The following SEMA5A variants were observed in gnomAD, a reference collection of about 807,000 sequenced individuals.
The protein encoded by SEMA5A is semaphorin 5A.
Under a neutral mutation model 135.5 loss-of-function variants are expected in SEMA5A, and 55 were observed. The ratio of observed to expected loss-of-function variants is 0.41; its 90% CI spans 0.33 to 0.51. The LOEUF is 0.51. Among genes scored for constraint, SEMA5A ranks in the 20% least tolerant of loss-of-function variants. The probability of loss-of-function intolerance (pLI) is 0.37; values close to 1 mark genes in which losing one functional copy is unlikely to be tolerated. For missense variants in SEMA5A, 1,290 were observed against 1,419.9 expected (o/e 0.91, Z 1.47); for synonymous variants, 580 against 546.5 (o/e 1.06, Z -0.85).
chr5:9,300,538 A>G (rs1033951530), intron 5 of SEMA5A, among the ~76,000 whole-genome samples: 2 of 152,200 alleles, frequency 1.3e-5, no homozygotes, highest in Non-Finnish European at 2.9e-5. Context: ...CCAAACAAAG[A>G]GGCATAAACC....
intron 5 of SEMA5A, among the ~76,000 whole-genome samples, chr5:9,312,003 A>T (rs1752159113): frequency 6.6e-6 from 1 of 152,150 alleles, no homozygotes; most frequent in African/African-American, 2.4e-5. Flanking sequence ...GCTATTTCCC[A>T]AAAGAATTTT....
At chr5:9,393,539 T>G (rs964496674) in intron 2 of SEMA5A, among the ~76,000 whole-genome samples, 3 of 152,258 alleles carry the variant, frequency 2.0e-5, no homozygotes, top group Admixed American at 2.0e-4. Flanking sequence ...CCATGCCCTG[T>G]AATATGGAGA....
At chr5:9,508,018 G>GAAA (rs1395226100) in intron 1 of SEMA5A, among the ~76,000 whole-genome samples, 20 of 21,580 alleles carry the variant, frequency 9.3e-4, no homozygotes, top group South Asian at 5.1e-3. Context: ...AAAAAAAAAA[G>GAAA]AAAAGAAAAA....
chr5:9,349,347 C>T (rs1405673133), intron 3 of SEMA5A, among the ~76,000 whole-genome samples: 1 of 152,094 alleles, frequency 6.6e-6, no homozygotes, highest in Admixed American at 6.5e-5. Context: ...TTATTGAGTA[C>T]CTGCTACATA....
intron 11 of SEMA5A, among the ~76,000 whole-genome samples, chr5:9,166,812 A>G (rs115456985): frequency 0.016 from 2,375 of 152,342 alleles, 69 homozygotes; most frequent in African/African-American, 0.054. Flanking sequence ...TCTAACCCAC[A>G]GCTTAAATAT....
chr5:9,318,323 GT>G, intron 5 of SEMA5A, 48 bp downstream of exon 5: 1 of 1,551,600 alleles, frequency 6.4e-7, no homozygotes, highest in African/African-American at 1.4e-5. Flanking sequence ...CAAACAGTGA[GT>G]TAATTGGGAT....
At chr5:9,404,066 CG>C (rs1296361665) in intron 2 of SEMA5A, among the ~76,000 whole-genome samples, 1 of 152,144 alleles carries the variant, frequency 6.6e-6, no homozygotes, top group East Asian at 1.9e-4. Context: ...TCCCCAGTAG[CG>C]GGGATTACAG....
rs533464037 is a variant in SEMA5A, at chr5:9,118,694, C to T, written c.1925+304G>A. 3.6e-4 allele frequency among the ~76,000 whole-genome samples: 55 copies of T among 152,236 alleles called. 1 individual carries two copies. Among genetic ancestry groups the T allele is most frequent in the African/African-American group, 1.1e-3 (44 of 41,542 alleles). ...CTCACAAGAGTAAGTCTCCTGCAGA[C>T]GTACTTCCAGAGTCTCCAGGAGCCT... On this transcript the variant is annotated intron_variant, in intron 15 of 22. Transcript: ENST00000382496.
chr5:9,092,828 T>C (rs796921799), intron 16 of SEMA5A, among the ~76,000 whole-genome samples: 28 of 152,218 alleles, frequency 1.8e-4, no homozygotes, highest in African/African-American at 6.5e-4. Flanking sequence ...TTTTCCCAAA[T>C]TGCCATTACC....
intron 13 of SEMA5A, among the ~76,000 whole-genome samples, chr5:9,132,887 A>G (rs1741512893): frequency 6.6e-6 from 1 of 152,226 alleles, no homozygotes; most frequent in Non-Finnish European, 1.5e-5. Context: ...TCAGCTTATA[A>G]AGCTTAATTT....
At chr5:9,202,901 G>A (rs1268356021) in intron 8 of SEMA5A, among the ~76,000 whole-genome samples, 1 of 152,158 alleles carries the variant, frequency 6.6e-6, no homozygotes, top group Non-Finnish European at 1.5e-5. Flanking sequence ...AAACCATTTA[G>A]AGGAGGGAAG....
chr5:9,346,106 C>T (rs1301039747), intron 3 of SEMA5A, among the ~76,000 whole-genome samples: 1 of 152,068 alleles, frequency 6.6e-6, no homozygotes, highest in African/African-American at 2.4e-5. Flanking sequence ...CCATCCTGTG[C>T]CTATAAAGAC....
chr5:9,203,429 A>T lies in SEMA5A; in HGVS notation c.647-1189T>A, dbSNP rs1745831315. ...ATAATAACATGTTACTGGCAGGACA[A>T]CTAAAAATATGTGTGGCTGCAAGAT... On this transcript the variant is annotated intron_variant, in intron 8 of 22. Transcript: ENST00000382496. 2.0e-5 allele frequency among the ~76,000 whole-genome samples: 3 copies of T among 152,194 alleles called. No homozygotes were observed. The South Asian group carries it at 6.2e-4, about 32-fold the overall frequency.
chr5:9,056,774 G>A (rs529831807), intron 18 of SEMA5A, among the ~76,000 whole-genome samples: 1 of 151,978 alleles, frequency 6.6e-6, no homozygotes, highest in South Asian at 2.1e-4. Context: ...CCCAATCCTG[G>A]GTATATATCA....
chr5:9,285,467 A>T lies in SEMA5A; in HGVS notation c.270+32905T>A, dbSNP rs532559106. 4.6e-5 allele frequency among the ~76,000 whole-genome samples: 7 copies of T among 152,222 alleles called. No individual in the cohort carries two copies. In the South Asian group the frequency reaches 1.2e-3, roughly 27 times the overall value. ...CCAAAGAAACATGGGATTGACAAGA[A>T]ACTCTTTAGTCTCTCAACATACTAA... On this transcript the variant is annotated intron_variant, in intron 5 of 22. Transcript: ENST00000382496.
intron 2 of SEMA5A, among the ~76,000 whole-genome samples, chr5:9,400,509 T>TAATA (rs1756610916): frequency 3.2e-5 from 2 of 62,226 alleles, no homozygotes; most frequent in African/African-American, 1.5e-4. Context: ...ACATTTTTTT[T>TAATA]TTTTTTTTTT....
intron 3 of SEMA5A, among the ~76,000 whole-genome samples, chr5:9,356,689 GT>G (rs1465414808): frequency 6.6e-6 from 1 of 152,136 alleles, no homozygotes; most frequent in Non-Finnish European, 1.5e-5. Flanking sequence ...TTCTTTCTTT[GT>G]TTGCAACCGG....
At position 9,190,454 on chromosome 5, in the gene SEMA5A, C is replaced by T. The variant is rs569756517; in HGVS notation, c.1086G>A (p.Gln362=). The change falls in exon 11 of 23, where the codon CAG becomes CAA. Residue 362 remains glutamine (Q), a synonymous_variant. Transcript: ENST00000382496. ...TCTCGGTCAGGTTCACGTACAGGCC[C>T]TGGTCCACGGTGCCACACTGAAAGG... ...NPHFQCGTVD[Q]GLYVNLTERN... 1.2e-6 allele frequency: 2 copies of T among 1,613,494 alleles called. No homozygotes were observed. The highest frequency in any genetic ancestry group is 2.7e-5 in the African/African-American group (2 of 75,028).
chr5:9,385,794 C>CTTT (rs5865830), intron 2 of SEMA5A, among the ~76,000 whole-genome samples: 12,855 of 109,678 alleles, frequency 0.12, 1,163 homozygotes, highest in African/African-American at 0.14. Context: ...TTGGAAAGCG[C>CTTT]TTTTTTTTTT....
Sources: gnomAD v4.1 joint callset for allele counts (sites outside exome capture counted in the v4.1 genomes callset) on GRCh38, gnomAD v4.1.1 for gene constraint, MANE v1.5 for transcripts, NCBI Gene and HGNC (gene_info 2026-07-23, HGNC 2026-07-21) for gene names.